Variants in SPON1 observed in about 807,000 individuals in gnomAD.
SPON1 encodes spondin-1.
Under a neutral mutation model 111.7 loss-of-function variants are expected in SPON1, and 52 were observed. That is an observed-to-expected ratio of 0.47 (90% CI 0.37 to 0.59). The LOEUF (loss-of-function observed/expected upper bound fraction) is 0.59, where lower values mean the gene tolerates loss of function less well. Among genes scored for constraint, SPON1 ranks in the 20% least tolerant of loss-of-function variants. The pLI is 0.00. For synonymous variants in SPON1, 410 were observed against 395.8 expected, an observed-to-expected ratio of 1.04 and a Z score of -0.43; for missense variants, 957 against 1,068.5, an observed-to-expected ratio of 0.90 and a Z score of 1.46.
At chr11:14,183,223 G>A (rs72861625) in intron 6 of SPON1, among the ~76,000 whole-genome samples, 7,655 of 152,144 alleles carry the variant, frequency 0.05, 279 homozygotes, top group Middle Eastern at 0.079. Context: ...GTCTAATGTG[G>A]GAGCCTTTAA....
chr11:14,243,005 G>A (rs143275780), intron 6 of SPON1, among the ~76,000 whole-genome samples: 143 of 152,358 alleles, frequency 9.4e-4, no homozygotes, highest in African/African-American at 3.1e-3. Context: ...CCTCTGAAAT[G>A]GACATGACAT....
chr11:14,150,847 G>GT (rs1372290153), intron 6 of SPON1, among the ~76,000 whole-genome samples: 23 of 152,140 alleles, frequency 1.5e-4, no homozygotes, highest in African/African-American at 5.6e-4. Flanking sequence ...GAAATTGCAG[G>GT]TATCAGGAGC....
At chr11:14,144,833 A>G (rs1454888707) in intron 6 of SPON1, among the ~76,000 whole-genome samples, 1 of 151,968 alleles carries the variant, frequency 6.6e-6, no homozygotes, top group Non-Finnish European at 1.5e-5. Flanking sequence ...GACCTCTAAT[A>G]CTTTTTCAAG....
At chr11:14,234,143 T>G (rs549809465) in intron 6 of SPON1, among the ~76,000 whole-genome samples, 3 of 152,208 alleles carry the variant, frequency 2.0e-5, no homozygotes, top group Non-Finnish European at 4.4e-5. Context: ...CCTTACAGGT[T>G]GAGGCACCTC....
chr11:14,174,066 G>A (rs1302683008), intron 6 of SPON1, among the ~76,000 whole-genome samples: 2 of 152,162 alleles, frequency 1.3e-5, no homozygotes, highest in East Asian at 1.9e-4. Context: ...CATTTCTAGG[G>A]CCAAATAAGC....
chr11:14,229,754 C>T (rs1049545113), intron 6 of SPON1, among the ~76,000 whole-genome samples: 4 of 152,142 alleles, frequency 2.6e-5, no homozygotes, highest in Admixed American at 6.5e-5. Context: ...CCCAAACTTG[C>T]GCAGCATATA....
chr11:14,173,567 C>A (rs1458304811), intron 6 of SPON1, among the ~76,000 whole-genome samples: 1 of 152,160 alleles, frequency 6.6e-6, no homozygotes, highest in African/African-American at 2.4e-5. Context: ...AGAAGGGGTG[C>A]TCTGATTTTT....
At chr11:14,051,722 A>G (rs1554918621) in intron 3 of SPON1, among the ~76,000 whole-genome samples, 1 of 152,080 alleles carries the variant, frequency 6.6e-6, no homozygotes, top group Non-Finnish European at 1.5e-5. Context: ...TTTATAAGCT[A>G]CTCAGTTTAT....
chr11:14,213,964 T>C lies in SPON1; in HGVS notation c.826-29368T>C, dbSNP rs1054308757. Among the ~76,000 whole-genome samples, 10 of 152,334 alleles carry C rather than the reference T, an allele frequency of 6.6e-5. No homozygotes were observed. The East Asian group carries it at 1.9e-3, about 29-fold the overall frequency. On this transcript the variant is annotated intron_variant, in intron 6 of 15. Coordinates refer to ENST00000576479, the MANE Select transcript of SPON1 (RefSeq NM_006108.4). ...ATTCTAAGCTAGTCCATCAAACCCA[T>C]GTGTGCACACAAGCACACAATCATG...
chr11:13,979,461 A>C (rs6486165), intron 1 of SPON1, among the ~76,000 whole-genome samples: 7,311 of 152,272 alleles, frequency 0.048, 576 homozygotes, highest in African/African-American at 0.17. Context: ...GATTCAGATG[A>C]AAGTGATTCT....
At chr11:14,257,644 G>A (rs1849123919) in intron 10 of SPON1, 72 bp from the exon 11 acceptor site, 6 of 1,390,452 alleles carry the variant, frequency 4.3e-6, no homozygotes, top group Non-Finnish European at 5.7e-6. Flanking sequence ...CCCCAGATAA[G>A]CTGGTATGGG....
rs547823529 is a variant in SPON1, at chr11:14,255,501, G to A, written c.1093-146G>A. On this transcript the variant is annotated intron_variant, in intron 8 of 15. Coordinates refer to ENST00000576479, the MANE Select transcript of SPON1 (RefSeq NM_006108.4). ...TAGAAATTTCTCAGCACAGTATGTG[G>A]CATGAACACAATTCCATAAATATAA... The A allele has an allele frequency of 1.5e-4, 102 of 689,892 alleles. 1 individual carries two copies. In the South Asian group the frequency reaches 1.9e-3, roughly 13 times the overall value. The allele number at this position is 689,892 out of a possible 1,614,324, so 42.7% of individuals were successfully genotyped here.
chr11:14,151,242 A>G (rs1201297254), intron 6 of SPON1, among the ~76,000 whole-genome samples: 2 of 152,200 alleles, frequency 1.3e-5, no homozygotes, highest in African/African-American at 2.4e-5. Context: ...TTCTCCAAGC[A>G]AACAAGTTCT....
intron 4 of SPON1, among the ~76,000 whole-genome samples, chr11:14,079,693 C>CATT (rs150961927): frequency 7.6e-4 from 114 of 150,726 alleles, no homozygotes; most frequent in Admixed American, 1.7e-3. Flanking sequence ...AAAAAGCTCT[C>CATT]TTTTTTTTTT....
At position 14,243,355 on chromosome 11, in the gene SPON1, C is replaced by T. The variant is rs201329679; in HGVS notation, c.849C>T (p.Ile283=). ...AGAGTGATGAGGTCCTCACCGTCAT[C>T]AAAGCCAAAGCCCAATGGCCAGCCT... ...RQQSDEVLTV[I]KAKAQWPAWQ... Residue 283 remains isoleucine, a synonymous_variant, in exon 7 of 16, where the codon ATC becomes ATT. Coordinates refer to ENST00000576479, the MANE Select transcript of SPON1 (RefSeq NM_006108.4). 211 of 1,584,938 alleles carry T rather than the reference C, an allele frequency of 1.3e-4. 1 individual carries two copies. In the African/African-American group the frequency reaches 2.5e-3, roughly 19 times the overall value.
chr11:14,219,948 G>A (rs1435008485), intron 6 of SPON1, among the ~76,000 whole-genome samples: 7 of 152,070 alleles, frequency 4.6e-5, no homozygotes, highest in African/African-American at 1.2e-4. Flanking sequence ...TTAGCTGGGC[G>A]TGATGGTGTG....
At chr11:14,068,503 T>C (rs1848850374) in intron 3 of SPON1, among the ~76,000 whole-genome samples, 2 of 152,224 alleles carry the variant, frequency 1.3e-5, no homozygotes, top group South Asian at 2.1e-4. Context: ...GTGGAGCTGA[T>C]ATCTCTGATT....
Position 14,200,382 on chromosome 11 carries a change from C to G in SPON1, c.826-42950C>G, listed in dbSNP as rs551933379. ...AGTAAGAGAAGGTGGAACTTTGAAG[C>G]TGTGATCATTTTCTTTCCATCAAAG... On this transcript the variant is annotated intron_variant, in intron 6 of 15. Coordinates refer to ENST00000576479, the MANE Select transcript of SPON1 (RefSeq NM_006108.4). 3.3e-5 allele frequency among the ~76,000 whole-genome samples: 5 copies of G among 152,264 alleles called. No homozygotes were observed. In the South Asian group the frequency reaches 1.0e-3, roughly 32 times the overall value.
intron 7 of SPON1, among the ~76,000 whole-genome samples, chr11:14,246,448 T>C (rs1431808174): frequency 6.6e-6 from 1 of 152,218 alleles, no homozygotes; most frequent in Non-Finnish European, 1.5e-5. Context: ...TTCTAATGCC[T>C]GTGCTTTTCA....
Sources: gnomAD v4.1 joint callset for allele counts (sites outside exome capture counted in the v4.1 genomes callset) on GRCh38, gnomAD v4.1.1 for gene constraint, MANE v1.5 for transcripts, NCBI Gene and HGNC (gene_info 2026-07-23, HGNC 2026-07-21) for gene names.